The following ZNF284 variants were observed in gnomAD, a reference collection of about 807,000 sequenced individuals.
ZNF284 encodes the protein zinc finger protein 284.
ZNF284 carries 12 observed loss-of-function variants against 12.9 expected under a neutral mutation model. That is an observed-to-expected ratio of 0.93 (90% CI 0.60 to 1.51). The LOEUF (loss-of-function observed/expected upper bound fraction) is 1.51, where lower values mean the gene tolerates loss of function less well. Ranked by LOEUF, ZNF284 falls within the 40% of genes most tolerant of loss-of-function variation. ZNF284 has a pLI of 0.00. For missense variants in ZNF284, 667 were observed against 707.3 expected (o/e 0.94, Z 0.65); for synonymous variants, 225 against 236.5 (o/e 0.95, Z 0.45).
chr19:44,082,030 C>T lies in ZNF284; in HGVS notation c.160C>T (p.Arg54Ter), dbSNP rs1480967122. The T allele has an allele frequency of 3.7e-6, 6 of 1,613,450 alleles. No individual in the cohort carries two copies. Among genetic ancestry groups the T allele is most frequent in the Admixed American group, 3.3e-5 (2 of 59,988 alleles). Residue 54 changes from arginine (R) to a stop codon, truncating the protein, a stop_gained, in exon 4 of 5, where the codon CGA (arginine) becomes TGA (stop). Coordinates refer to ENST00000421176, the MANE Select transcript of ZNF284 (RefSeq NM_001037813.4). LOFTEE classifies it high-confidence loss of function. ...LLSVGHQLSH[R>*]DTFHFQREEK... ...GTTCACAGGGCATCAACTTTCCCAC[C>T]GAGATACTTTTCACTTCCAAAGAGA...
chr19:44,081,915 C>A, intron 3 of ZNF284, 98 bp from the exon 4 acceptor site: 2 of 897,440 alleles, frequency 2.2e-6, no homozygotes, highest in South Asian at 1.6e-5. Context: ...ACCGCCAAAC[C>A]ATATCAGTGT....
At chr19:44,077,104 A>G (rs896267858) in intron 2 of ZNF284, among the ~76,000 whole-genome samples, 3 of 152,138 alleles carry the variant, frequency 2.0e-5, no homozygotes, top group African/African-American at 7.2e-5. Context: ...ACAGGTGTGC[A>G]CCACTGCACC....
Position 44,081,150 on chromosome 19 carries a change from A to G in ZNF284, c.142+9A>G. Reference sequence around the variant, plus strand: ...AAACCTGCTATCAGTGGGTGAGCACAGGCACCCTCTGTAATGGAACATCAG... The same window carrying G: ...AAACCTGCTATCAGTGGGTGAGCACGGGCACCCTCTGTAATGGAACATCAG... On this transcript the variant is annotated intron_variant, in intron 3 of 4. Coordinates refer to ENST00000421176, the MANE Select transcript of ZNF284 (RefSeq NM_001037813.4). 1 of 1,607,996 alleles carries G rather than the reference A, an allele frequency of 6.2e-7. No homozygotes were observed.
Position 44,083,450 on chromosome 19 carries a change from AATAT to A in ZNF284, c.235+1367_235+1370del, listed in dbSNP as rs1290254473. ...CTCTGTCTCAAAAAATAAATAAAGA[AATAT>A]ATATATATATATATATATATAGAGA... On this transcript the variant is annotated intron_variant, in intron 4 of 4. Coordinates refer to ENST00000421176, the MANE Select transcript of ZNF284 (RefSeq NM_001037813.4). 1.0e-3 allele frequency among the ~76,000 whole-genome samples: 63 copies of A among 60,370 alleles called. 2 individuals are homozygous for A. Among genetic ancestry groups the A allele is most frequent in the African/African-American group, 2.4e-3 (48 of 20,376 alleles). The allele number at this position is 60,370 out of a possible 152,430, so 39.6% of individuals were successfully genotyped here. A position where few individuals can be genotyped will look rare whatever the true frequency, so the allele number is the denominator to read the frequency against.
intron 2 of ZNF284, among the ~76,000 whole-genome samples, chr19:44,076,824 T>G (rs1339923322): frequency 6.6e-6 from 1 of 152,056 alleles, no homozygotes. Flanking sequence ...GCTCCTTTTT[T>G]TTTTTTTTTC....
At chr19:44,082,743 G>A (rs1207930611) in intron 4 of ZNF284, among the ~76,000 whole-genome samples, 1 of 152,064 alleles carries the variant, frequency 6.6e-6, no homozygotes, top group Non-Finnish European at 1.5e-5. Flanking sequence ...TTCAAAAGCA[G>A]CTACATTGCA....
chr19:44,076,324 A>AC lies in ZNF284; in HGVS notation c.-65dup. 1 of 1,532,086 alleles carries AC rather than the reference A, an allele frequency of 6.5e-7. No homozygotes were observed. The highest frequency in any genetic ancestry group is 1.2e-5 in the South Asian group (1 of 82,488). The allele number at this position is 1,532,086 out of a possible 1,614,324, so 94.9% of individuals were successfully genotyped here. A position where few individuals can be genotyped will look rare whatever the true frequency, so the allele number is the denominator to read the frequency against. ...TTGCCTTCCATGGCATGTTTCAGGCACAATTCTGTCTTCTCTTGAACTGCA... is the reference window on the plus strand; with the variant it reads ...TTGCCTTCCATGGCATGTTTCAGGCACCAATTCTGTCTTCTCTTGAACTGCA... On this transcript the variant is annotated 5_prime_UTR_variant, in exon 2 of 5. Coordinates refer to ENST00000421176, the MANE Select transcript of ZNF284 (RefSeq NM_001037813.4).
At chr19:44,072,989 C>A (rs1966970843) in intron 1 of ZNF284, among the ~76,000 whole-genome samples, 1 of 152,184 alleles carries the variant, frequency 6.6e-6, no homozygotes, top group African/African-American at 2.4e-5. Flanking sequence ...AGATGCTCAC[C>A]CCGACCAAGA....
chr19:44,086,368 A>G lies in ZNF284; in HGVS notation c.890A>G (p.His297Arg), dbSNP rs368796669. The change falls in exon 5 of 5, where the codon CAT becomes CGT. Residue 297 changes from histidine (H) to arginine (R), a missense_variant. By Grantham distance (29) the His-to-Arg change is conservative. Coordinates refer to ENST00000421176, the MANE Select transcript of ZNF284 (RefSeq NM_001037813.4). ...TGTTATATATGTGGTAAGAGCTTCCATAGTAGATCAAATCTTAATAGGCAT... is the reference window on the plus strand; with the variant it reads ...TGTTATATATGTGGTAAGAGCTTCCGTAGTAGATCAAATCTTAATAGGCAT... ...FKCYICGKSF[H>R]SRSNLNRHSM... 2.5e-6 allele frequency: 4 copies of G among 1,614,026 alleles called. No individual in the cohort carries two copies. Among genetic ancestry groups the G allele is most frequent in the Admixed American group, 3.3e-5 (2 of 60,016 alleles).
In ZNF284 at chr19:44,086,773, G is replaced by T. The variant is rs200309823; in HGVS notation, c.1295G>T (p.Cys432Phe). Residue 432 changes from cysteine to phenylalanine, a missense_variant, in exon 5 of 5, where the codon TGT (cysteine) becomes TTT (phenylalanine). By Grantham distance (205) the Cys-to-Phe change is radical. Coordinates refer to ENST00000421176, the MANE Select transcript of ZNF284 (RefSeq NM_001037813.4). ...REEELYKCQK[C>F]GKGYISKFNL... ...GAAGAACTGTATAAATGTCAGAAGT[G>T]TGGGAAGGGCTACATTAGTAAGTTT... 1 of 1,614,040 alleles carries T rather than the reference G, an allele frequency of 6.2e-7. No individual in the cohort carries two copies. The highest frequency in any genetic ancestry group is 1.7e-5 in the Admixed American group (1 of 59,990).
chr19:44,087,307 C>A lies in ZNF284; in HGVS notation c.*47C>A. On this transcript the variant is annotated 3_prime_UTR_variant, in exon 5 of 5. Coordinates refer to ENST00000421176, the MANE Select transcript of ZNF284 (RefSeq NM_001037813.4). ...TACAGCATATTTCAATACATGTATA[C>A]AATGTATAATGATCAAATCAGTGTT... 7.9e-7 allele frequency: 1 copy of A among 1,268,424 alleles called. No individual in the cohort carries two copies. The highest frequency in any genetic ancestry group is 1.1e-6 in the Non-Finnish European group (1 of 932,986). The allele number at this position is 1,268,424 out of a possible 1,614,324, so 78.6% of individuals were successfully genotyped here.
chr19:44,082,751 G>A (rs997517269), intron 4 of ZNF284, among the ~76,000 whole-genome samples: 8 of 151,920 alleles, frequency 5.3e-5, no homozygotes, highest in Admixed American at 3.9e-4. Context: ...CAGCTACATT[G>A]CATCTCTAAC....
In ZNF284 at chr19:44,086,113, T is replaced by TG; in HGVS notation, c.635_636insG (p.Phe212LeufsTer2). The TG allele has an allele frequency of 6.2e-7, 1 of 1,614,180 alleles. No homozygotes were observed. Among genetic ancestry groups the TG allele is most frequent in the South Asian group, 1.1e-5 (1 of 91,086 alleles). ...AAGTGTGATGTGTGTAGTAAGGCAT[T>TG]TAGTCAGAACTCACAACTGCAAACT... On this transcript the variant is annotated frameshift_variant, in exon 5 of 5. Transcript: ENST00000421176. LOFTEE classifies it low-confidence loss of function (END_TRUNC).
At chr19:44,080,201 A>G (rs1475364079) in intron 2 of ZNF284, among the ~76,000 whole-genome samples, 2 of 152,196 alleles carry the variant, frequency 1.3e-5, no homozygotes, top group Non-Finnish European at 1.5e-5. Flanking sequence ...CATGACATTC[A>G]GTGCTGCAAT....
intron 2 of ZNF284, among the ~76,000 whole-genome samples, chr19:44,077,471 T>G (rs1967049097): frequency 6.6e-6 from 1 of 151,384 alleles, no homozygotes; most frequent in African/African-American, 2.4e-5. Context: ...CAATTCAGTC[T>G]CAACTTTGTT....
At chr19:44,079,565 C>T (rs1034450248) in intron 2 of ZNF284, among the ~76,000 whole-genome samples, 7 of 151,288 alleles carry the variant, frequency 4.6e-5, no homozygotes, top group South Asian at 2.1e-4. Flanking sequence ...AAACATTAGC[C>T]GGGTGTGGTG....
chr19:44,081,711 C>CA (rs369698330), intron 3 of ZNF284, among the ~76,000 whole-genome samples: 4,571 of 147,318 alleles, frequency 0.031, 95 homozygotes, highest in African/African-American at 0.068. Context: ...GACTCCGTCT[C>CA]AAAAAAAAAC....
intron 2 of ZNF284, among the ~76,000 whole-genome samples, chr19:44,078,980 G>A (rs981897447): frequency 3.9e-5 from 6 of 151,914 alleles, no homozygotes; most frequent in African/African-American, 1.4e-4. Flanking sequence ...TTGTAGAGAC[G>A]GAGTTTTGCT....
At position 44,087,385 on chromosome 19, in the gene ZNF284, T is replaced by C; in HGVS notation, c.*125T>C. 1 of 842,490 alleles carries C rather than the reference T, an allele frequency of 1.2e-6. No individual in the cohort carries two copies. Among genetic ancestry groups the C allele is most frequent in the South Asian group, 2.6e-5 (1 of 38,062 alleles). 52.2% of individuals were successfully genotyped at this position (842,490 alleles called of 1,614,324 possible). The stretch of plus-strand genomic sequence containing the variant: ...ATTTATTTGTGGATCATTTATCATT[T>C]CTTTGTGCTTTGAACGTTCAAAAAC... On this transcript the variant is annotated 3_prime_UTR_variant, in exon 5 of 5. Transcript: ENST00000421176.
Sources: gnomAD v4.1 joint callset for allele counts (sites outside exome capture counted in the v4.1 genomes callset) on GRCh38, gnomAD v4.1.1 for gene constraint, MANE v1.5 for transcripts, NCBI Gene and HGNC (gene_info 2026-07-23, HGNC 2026-07-21) for gene names.